SHOC1: variants seen among roughly 807,000 people sequenced by gnomAD.
SHOC1 encodes the protein shortage in chiasmata 1, also known as protein shortage in chiasmata 1 ortholog.
A neutral mutation model predicts 179.2 loss-of-function variants in SHOC1; 136 were observed. That is an observed-to-expected ratio of 0.76 (90% confidence interval 0.66 to 0.87). The LOEUF is 0.87. Ranked by LOEUF, SHOC1 falls within the 40% of genes least tolerant of loss-of-function variation. SHOC1 has a pLI of 0.00. For missense variants in SHOC1, 1,538 were observed against 1,700.8 expected, an observed-to-expected ratio of 0.90 and a Z score of 1.68; for synonymous variants, 489 against 586.6, an observed-to-expected ratio of 0.83 and a Z score of 2.41.
chr9:111,756,459 T>C lies in SHOC1; in HGVS notation c.728A>G (p.Glu243Gly). Reference sequence around the variant, plus strand: ...GCTTGGAGGTATTAAGAATTCATACTCAATAAGAAAACTTGACGGCTGAAA... The same window carrying C: ...GCTTGGAGGTATTAAGAATTCATACCCAATAAGAAAACTTGACGGCTGAAA... ...CLNEPSSFLI[E>G]YEFLIPPSLK... Residue 243 changes from glutamate to glycine, a missense_variant, in exon 8 of 28, where the codon GAG (glutamate) becomes GGG (glycine). Glu to Gly is a moderately conservative substitution (Grantham distance 98, BLOSUM62 -2). Coordinates refer to ENST00000682961, the MANE Select transcript of SHOC1 (RefSeq NM_001378211.1). 1.3e-6 allele frequency: 2 copies of C among 1,595,342 alleles called. No individual in the cohort carries two copies. The highest frequency in any genetic ancestry group is 1.7e-6 in the Non-Finnish European group (2 of 1,175,152).
intron 12 of SHOC1, among the ~76,000 whole-genome samples, chr9:111,734,817 A>T (rs1182392243): frequency 1.3e-5 from 2 of 151,588 alleles, no homozygotes; most frequent in African/African-American, 4.9e-5. Context: ...TTGTGATTAA[A>T]ATATAATTTG....
Position 111,706,613 on chromosome 9 carries a change from G to A in SHOC1, c.2692C>T (p.Pro898Ser), listed in dbSNP as rs746010182. 6.3e-7 allele frequency: 1 copy of A among 1,598,476 alleles called. No homozygotes were observed. The highest frequency in any genetic ancestry group is 1.1e-5 in the South Asian group (1 of 88,450). Residue 898 changes from proline (P) to serine (S), a missense_variant, in exon 20 of 28, where the codon CCT (proline) becomes TCT (serine). By Grantham distance (74) the Pro-to-Ser change is moderately conservative. Coordinates refer to ENST00000682961, the MANE Select transcript of SHOC1 (RefSeq NM_001378211.1). The stretch of plus-strand genomic sequence containing the variant: ...AGAATCACTTTAAAGGCCATGTAAG[G>A]AATATTCAACTCTTTGCAGTGTTTA... The part of the protein sequence containing the change: ...WTKHCKELNI[P>S]YMAFKVILPD...
In SHOC1 at chr9:111,703,950, C is replaced by G. The variant is rs760061714; in HGVS notation, c.2898G>C (p.Leu966Phe). Residue 966 changes from leucine (L) to phenylalanine (F), a missense_variant, in exon 22 of 28, where the codon TTG becomes TTC. Coordinates refer to ENST00000682961, the MANE Select transcript of SHOC1 (RefSeq NM_001378211.1). ...SLVERGCSES[L>F]KLFGSSECYV... is the part of the protein sequence containing the mutation. ...AACACTCTGAACTTCCAAAGAGTTT[C>G]AATGACTCACTGCAGCCTCTCTCTA... 6.2e-7 allele frequency: 1 copy of G among 1,607,328 alleles called. No homozygotes were observed. The highest frequency in any genetic ancestry group is 8.5e-7 in the Non-Finnish European group (1 of 1,176,908).
chr9:111,694,033 G>T, intron 25 of SHOC1, 85 bp from the exon 26 acceptor site: 3 of 1,226,590 alleles, frequency 2.4e-6, no homozygotes, highest in South Asian at 1.4e-5. Context: ...TTTCTTCCTA[G>T]AAAAGAGTTT....
intron 5 of SHOC1, among the ~76,000 whole-genome samples, chr9:111,768,429 G>A (rs962842870): frequency 2.6e-5 from 4 of 152,078 alleles, no homozygotes; most frequent in Non-Finnish European, 5.9e-5. Context: ...CACCATGTCA[G>A]GCTGGTCTCA....
chr9:111,746,184 A>G, intron 10 of SHOC1, 50 bp downstream of exon 10: 1 of 1,238,984 alleles, frequency 8.1e-7, no homozygotes, highest in Non-Finnish European at 1.2e-6. Context: ...TTAAATAAAG[A>G]CTGCTTGTTC....
At chr9:111,737,767 A>G (rs1423374108) in intron 12 of SHOC1, 2 of 153,914 alleles carry the variant, frequency 1.3e-5, no homozygotes, top group African/African-American at 4.8e-5. Flanking sequence ...GTACATAGCA[A>G]CCCAAATAGC....
At chr9:111,786,221 G>C (rs1469768783) in intron 2 of SHOC1, among the ~76,000 whole-genome samples, 186 bp from the exon 3 acceptor site, 5 of 152,098 alleles carry the variant, frequency 3.3e-5, no homozygotes, top group African/African-American at 7.2e-5. Flanking sequence ...AGATCACAAG[G>C]TCAGGAGATT....
At chr9:111,687,244 G>A (rs557532081) in intron 27 of SHOC1, among the ~76,000 whole-genome samples, 33 of 152,152 alleles carry the variant, frequency 2.2e-4, no homozygotes, top group Non-Finnish European at 4.1e-4. Flanking sequence ...CACCATGCCC[G>A]GCTGAAGTAT....
chr9:111,745,002 A>G (rs1190808886), intron 10 of SHOC1, among the ~76,000 whole-genome samples: 1 of 152,206 alleles, frequency 6.6e-6, no homozygotes, highest in African/African-American at 2.4e-5. Flanking sequence ...ATTCTGTGCA[A>G]TAATGATGGG....
Position 111,727,151 on chromosome 9 carries a change from A to G in SHOC1, c.1834+482T>C, listed in dbSNP as rs553572497. On this transcript the variant is annotated intron_variant, in intron 13 of 27. Coordinates refer to ENST00000682961, the MANE Select transcript of SHOC1 (RefSeq NM_001378211.1). ...ATTATATTACCTTTGATGTGGCTGT[A>G]AGCAGTGAATATAAGACAGTTACAA... Among the ~76,000 whole-genome samples the G allele has an allele frequency of 3.3e-5, 5 of 152,342 alleles. No homozygotes were observed. The East Asian group carries it at 9.6e-4, about 29-fold the overall frequency.
At chr9:111,701,935 C>T (rs1831991151) in intron 23 of SHOC1, among the ~76,000 whole-genome samples, 170 bp downstream of exon 23, 1 of 152,030 alleles carries the variant, frequency 6.6e-6, no homozygotes, top group South Asian at 2.1e-4. Flanking sequence ...AACGTATCAT[C>T]TCCAAAATTC....
intron 27 of SHOC1, among the ~76,000 whole-genome samples, chr9:111,689,070 T>C (rs1441092264): frequency 6.6e-6 from 1 of 151,676 alleles, no homozygotes; most frequent in Admixed American, 6.6e-5. Context: ...TTGCCAAGAG[T>C]TAGGGTACCA....
chr9:111,785,897 T>C lies in SHOC1; in HGVS notation c.169+15A>G. On this transcript the variant is annotated intron_variant, in intron 3 of 27. Coordinates refer to ENST00000682961, the MANE Select transcript of SHOC1 (RefSeq NM_001378211.1). ...GCTTTTAAAACACATTTTTAAGAAA[T>C]GAAAACAAACATACCTCTCGTCCAT... The C allele has an allele frequency of 6.9e-7, 1 of 1,441,532 alleles. No homozygotes were observed. The highest frequency in any genetic ancestry group is 9.1e-7 in the Non-Finnish European group (1 of 1,099,642). The allele number at this position is 1,441,532 out of a possible 1,614,324, so 89.3% of individuals were successfully genotyped here. A position where few individuals can be genotyped will look rare whatever the true frequency, so the allele number is the denominator to read the frequency against.
At chr9:111,710,425 A>G (rs1297919696) in intron 18 of SHOC1, among the ~76,000 whole-genome samples, 1 of 152,144 alleles carries the variant, frequency 6.6e-6, no homozygotes, top group East Asian at 1.9e-4. Flanking sequence ...CTATATTTGT[A>G]TATTTCGGTT....
intron 23 of SHOC1, among the ~76,000 whole-genome samples, chr9:111,701,737 A>T (rs1446132275): frequency 6.6e-6 from 1 of 152,180 alleles, no homozygotes; most frequent in African/African-American, 2.4e-5. Flanking sequence ...AGGAGGAATA[A>T]AAAACAAGGT....
At chr9:111,694,390 T>C (rs1831594776) in intron 24 of SHOC1, 28 bp from the exon 25 acceptor site, 1 of 1,481,214 alleles carries the variant, frequency 6.8e-7, no homozygotes, top group Non-Finnish European at 9.3e-7. Context: ...TGTTAGATTA[T>C]AGGAAATACT....
At chr9:111,762,436 A>G (rs924192428) in intron 5 of SHOC1, among the ~76,000 whole-genome samples, 2 of 152,134 alleles carry the variant, frequency 1.3e-5, no homozygotes, top group African/African-American at 4.8e-5. Context: ...AAAAAAAGAA[A>G]GAAAGAAAAA....
intron 12 of SHOC1, among the ~76,000 whole-genome samples, chr9:111,731,857 A>G (rs1388315945): frequency 1.3e-5 from 2 of 152,176 alleles, no homozygotes; most frequent in Non-Finnish European, 2.9e-5. Context: ...TGATAATTCT[A>G]AAGTTGGAAA....
Sources: allele counts gnomAD v4.1 joint callset (sites outside exome capture counted in the v4.1 genomes callset), GRCh38; gene constraint gnomAD v4.1.1; transcripts MANE v1.5; gene names NCBI Gene and HGNC (gene_info 2026-07-23, HGNC 2026-07-21).